APOO: variants seen among roughly 807,000 people sequenced by gnomAD.
APOO encodes MICOS complex subunit MIC26.
A neutral mutation model predicts 23.1 loss-of-function variants in APOO; 11 were observed. That is an observed-to-expected ratio of 0.48 (90% CI 0.30 to 0.79). The LOEUF (loss-of-function observed/expected upper bound fraction) is 0.79, where lower values mean the gene tolerates loss of function less well. APOO is among the 30% of genes least tolerant of loss of function. The probability of loss-of-function intolerance (pLI) is 0.07; values close to 1 mark genes in which losing one functional copy is unlikely to be tolerated. For missense variants in APOO, 160 were observed against 142.7 expected (o/e 1.12, Z -0.62); for synonymous variants, 59 against 54.8 (o/e 1.08, Z -0.34).
rs1357011600 is a variant in APOO, at chrX:23,881,306, T to C, written c.10-354A>G. ...GCCAGGCTGGTCTCGAACTCCCGAC[T>C]TCAGGTAATTCGCCCGCCTCGGCCT... On this transcript the variant is annotated intron_variant, in intron 1 of 8. Transcript: ENST00000379226. 2.7e-5 allele frequency among the ~76,000 whole-genome samples: 3 copies of C among 109,114 alleles called. No individual in the cohort carries two copies. In the East Asian group the frequency reaches 8.7e-4, roughly 32 times the overall value. The allele number at this position is 109,114 out of a possible 115,157, so 94.8% of individuals were successfully genotyped here.
In APOO at chrX:23,878,924, G is replaced by C. The variant is rs1181041200; in HGVS notation, c.228C>G (p.Thr76=). ...TTCAGAACAGTTGTACCTGACACCA[G>C]GTTGTGTATGGCTCGCAATAGTGTC... is the stretch of plus-strand genomic sequence containing the variant. The part of the protein sequence containing the change: ...QLRHYCEPYT[T]WCQETYSQTK... Residue 76 remains threonine (T), a synonymous_variant, in exon 3 of 9, where the codon ACC becomes ACG. Transcript: ENST00000379226. The C allele has an allele frequency of 8.3e-7, 1 of 1,210,260 alleles. No individual in the cohort carries two copies. Among genetic ancestry groups the C allele is most frequent in the Non-Finnish European group, 1.1e-6 (1 of 894,648 alleles).
intron 1 of APOO, among the ~76,000 whole-genome samples, chrX:23,885,806 C>G (rs1213619884): frequency 9.0e-6 from 1 of 111,139 alleles, no homozygotes; most frequent in African/African-American, 3.3e-5. Context: ...GTGGTAGCAC[C>G]AAAGAAAGCT....
Position 23,907,717 on chromosome X carries a change from A to T in APOO, c.-15T>A, listed in dbSNP as rs5970618. 0.16 allele frequency: 180,790 copies of T among 1,157,506 alleles called. 14,322 individuals carry two copies. Among genetic ancestry groups the T allele is most frequent in the East Asian group, 0.55 (16,579 of 30,062 alleles). ...ACCTTGAACATGTCGCTGGCAGCGGAGGCTCCGGCAGGGTCACCCCGGCCT... is the reference window on the plus strand; with the variant it reads ...ACCTTGAACATGTCGCTGGCAGCGGTGGCTCCGGCAGGGTCACCCCGGCCT... On this transcript the variant is annotated 5_prime_UTR_variant, in exon 1 of 9. Transcript: ENST00000379226.
At chrX:23,887,900 G>A (rs1483163489) in intron 1 of APOO, among the ~76,000 whole-genome samples, 1 of 111,438 alleles carries the variant, frequency 9.0e-6, no homozygotes, top group Non-Finnish European at 1.9e-5. Flanking sequence ...GCTAGTTGGG[G>A]GTCTCAAAGT....
intron 1 of APOO, among the ~76,000 whole-genome samples, chrX:23,897,578 G>A (rs1303272122): frequency 8.9e-6 from 1 of 111,846 alleles, no homozygotes; most frequent in Non-Finnish European, 1.9e-5. Context: ...GGAAATATAG[G>A]GAGGAAAAAA....
chrX:23,878,858 T>A (rs1414993630), intron 3 of APOO, 57 bp downstream of exon 3: 2 of 1,164,536 alleles, frequency 1.7e-6, no homozygotes, highest in Admixed American at 2.3e-5. Flanking sequence ...CAATACAGAC[T>A]TTCCTCTATG....
At chrX:23,846,296 G>A (rs1374556741) in intron 7 of APOO, among the ~76,000 whole-genome samples, 1 of 83,898 alleles carries the variant, frequency 1.2e-5, no homozygotes, top group Non-Finnish European at 2.2e-5. Flanking sequence ...GGGCGACAGA[G>A]CGAGACTCCA....
intron 5 of APOO, among the ~76,000 whole-genome samples, chrX:23,861,688 C>T (rs1050640621): frequency 4.6e-5 from 5 of 109,196 alleles, no homozygotes; most frequent in Non-Finnish European, 7.6e-5. Flanking sequence ...GAGAGAAAAG[C>T]CCTCCTCACA....
chrX:23,862,974 GA>G (rs1238294148), intron 5 of APOO, among the ~76,000 whole-genome samples: 1 of 102,123 alleles, frequency 9.8e-6, no homozygotes, highest in Non-Finnish European at 2.0e-5. Context: ...AGGGAGGGAG[GA>G]AAAGAAGATA....
chrX:23,897,582 GA>G (rs1400484600), intron 1 of APOO, among the ~76,000 whole-genome samples: 1 of 111,840 alleles, frequency 8.9e-6, no homozygotes, highest in African/African-American at 3.2e-5. Context: ...ATATAGGGAG[GA>G]AAAAATCGTT....
chrX:23,840,402 G>C, intron 7 of APOO, 25 bp from the exon 8 acceptor site: 1 of 1,186,161 alleles, frequency 8.4e-7, no homozygotes, highest in South Asian at 1.9e-5. Context: ...GAAAGAGCTT[G>C]AATGCAGTTT....
chrX:23,871,076 G>A (rs762556237), intron 4 of APOO, among the ~76,000 whole-genome samples: 2 of 105,244 alleles, frequency 1.9e-5, no homozygotes, highest in East Asian at 3.0e-4. Context: ...GCAACAGAGC[G>A]AGACTCTGTC....
chrX:23,882,393 A>G (rs1210186396), intron 1 of APOO, among the ~76,000 whole-genome samples: 1 of 112,234 alleles, frequency 8.9e-6, no homozygotes, highest in Non-Finnish European at 1.9e-5. Flanking sequence ...AGGCACTGCA[A>G]ATCTCAGTAA....
intron 4 of APOO, among the ~76,000 whole-genome samples, chrX:23,872,778 C>T (rs766880278): frequency 1.8e-5 from 2 of 110,718 alleles, no homozygotes; most frequent in South Asian, 3.7e-4. Flanking sequence ...AAGCTAGGCG[C>T]GGTGGCTCAC....
At chrX:23,849,391 T>C (rs1417698460) in intron 7 of APOO, among the ~76,000 whole-genome samples, 2 of 107,898 alleles carry the variant, frequency 1.9e-5, no homozygotes, top group African/African-American at 6.8e-5. Context: ...CTGGTTCAAG[T>C]AGCCCGTGCA....
intron 1 of APOO, among the ~76,000 whole-genome samples, chrX:23,895,140 A>G (rs1174859311): frequency 9.3e-6 from 1 of 107,455 alleles, no homozygotes; most frequent in Non-Finnish European, 1.9e-5. Flanking sequence ...CTCCGCCTCA[A>G]AAAAAAAAAA....
intron 7 of APOO, among the ~76,000 whole-genome samples, chrX:23,847,198 T>C (rs1924283606): frequency 8.9e-6 from 1 of 112,048 alleles, no homozygotes; most frequent in Admixed American, 9.5e-5. Flanking sequence ...TCAAGAGGAC[T>C]CAGAGCCAAC....
chrX:23,896,367 G>A (rs763658369), intron 1 of APOO, among the ~76,000 whole-genome samples: 63 of 111,516 alleles, frequency 5.6e-4, no homozygotes, highest in African/African-American at 2.0e-3. Context: ...AAAAACCATT[G>A]ATTTGTTTTG....
chrX:23,865,216 G>C (rs1018640974), intron 5 of APOO, among the ~76,000 whole-genome samples: 1 of 111,010 alleles, frequency 9.0e-6, no homozygotes, highest in Non-Finnish European at 1.9e-5. Flanking sequence ...CCTCTGAATG[G>C]ACATCCATTC....
Sources: gnomAD v4.1 joint callset for allele counts (sites outside exome capture counted in the v4.1 genomes callset) on GRCh38, gnomAD v4.1.1 for gene constraint, MANE v1.5 for transcripts, NCBI Gene and HGNC (gene_info 2026-07-23, HGNC 2026-07-21) for gene names.